CDH18: variants seen among roughly 807,000 people sequenced by gnomAD.
CDH18 encodes cadherin 18, also known as cadherin-18.
A neutral mutation model predicts 67.9 loss-of-function variants in CDH18; 31 were observed. That is an observed-to-expected ratio of 0.46 (90% CI 0.34 to 0.62). The LOEUF (loss-of-function observed/expected upper bound fraction) is 0.62. Ranked by LOEUF, CDH18 falls within the 20% of genes least tolerant of loss-of-function variation. The pLI, the probability that CDH18 is intolerant of heterozygous loss-of-function variation, is 0.01. For synonymous variants in CDH18, 362 were observed against 347.2 expected, an observed-to-expected ratio of 1.04 and a Z score of -0.48; for missense variants, 890 against 975.5, an observed-to-expected ratio of 0.91 and a Z score of 1.17.
At chr5:20,033,117 C>A (rs1739546074) in intron 2 of CDH18, among the ~76,000 whole-genome samples, 1 of 151,856 alleles carries the variant, frequency 6.6e-6, no homozygotes, top group East Asian at 1.9e-4. Context: ...TTTTCTTTAA[C>A]CTGCAATGCA....
chr5:19,964,509 G>A (rs1232403704), intron 2 of CDH18, among the ~76,000 whole-genome samples: 3 of 151,232 alleles, frequency 2.0e-5, no homozygotes, highest in Admixed American at 2.0e-4. Flanking sequence ...GAGGTGGGAG[G>A]ACTGCTTGAG....
intron 2 of CDH18, among the ~76,000 whole-genome samples, chr5:19,840,454 G>A (rs1782175581): frequency 6.6e-6 from 1 of 152,098 alleles, no homozygotes; most frequent in Non-Finnish European, 1.5e-5. Flanking sequence ...TGTAATCCAA[G>A]CATTTTGGAA....
intron 2 of CDH18, among the ~76,000 whole-genome samples, chr5:20,026,887 G>A (rs764822757): frequency 2.0e-5 from 3 of 152,032 alleles, no homozygotes; most frequent in African/African-American, 7.3e-5. Context: ...AACCCAGGAG[G>A]TGGAGCTTGC....
intron 1 of CDH18, among the ~76,000 whole-genome samples, chr5:20,510,327 T>C (rs1158689985): frequency 6.6e-6 from 1 of 152,170 alleles, no homozygotes; most frequent in Admixed American, 6.5e-5. Flanking sequence ...TGAATACTTT[T>C]TTCTAGTCTG....
intron 1 of CDH18, among the ~76,000 whole-genome samples, chr5:20,275,855 A>G (rs954579968): frequency 3.9e-5 from 6 of 152,022 alleles, no homozygotes; most frequent in Admixed American, 2.6e-4. Context: ...TGGTGTAGAG[A>G]GAGAATATTT....
chr5:19,667,947 G>A (rs191963060), intron 5 of CDH18, among the ~76,000 whole-genome samples: 138 of 151,850 alleles, frequency 9.1e-4, no homozygotes, highest in Middle Eastern at 3.4e-3. Flanking sequence ...TGGCCTGCCC[G>A]ATAAAAAATA....
Position 20,447,602 on chromosome 5 carries a change from A to G in CDH18, c.-580+127860T>C, listed in dbSNP as rs1365484925. On this transcript the variant is annotated intron_variant, in intron 1 of 14. Transcript: ENST00000507958. ...TTTTCTAGAAGTTAACCAGTCTCAC[A>G]TATTTTTTACAGCACCACAAATGGA... is the stretch of plus-strand genomic sequence containing the variant. 5.3e-5 allele frequency among the ~76,000 whole-genome samples: 8 copies of G among 152,282 alleles called. No homozygotes were observed. The South Asian group carries it at 1.4e-3, about 28-fold the overall frequency.
At chr5:19,511,243 C>T (rs969261940) in intron 10 of CDH18, among the ~76,000 whole-genome samples, 5 of 152,120 alleles carry the variant, frequency 3.3e-5, no homozygotes, top group African/African-American at 1.2e-4. Context: ...CTTCCCTAGC[C>T]ATGCTGAACT....
chr5:20,285,120 T>C (rs906457480), intron 1 of CDH18, among the ~76,000 whole-genome samples: 3 of 151,676 alleles, frequency 2.0e-5, no homozygotes, highest in Non-Finnish European at 3.0e-5. Flanking sequence ...CTGGTGGTAG[T>C]TGCTGCATGC....
intron 5 of CDH18, among the ~76,000 whole-genome samples, chr5:19,656,049 A>G (rs2150291593): frequency 7.6e-6 from 1 of 130,834 alleles, no homozygotes; most frequent in African/African-American, 2.9e-5. Context: ...TAAGGTCCTT[A>G]GTAATTGAAA....
intron 10 of CDH18, among the ~76,000 whole-genome samples, chr5:19,505,178 A>T (rs1288751039): frequency 1.3e-5 from 2 of 152,092 alleles, no homozygotes; most frequent in African/African-American, 4.8e-5. Flanking sequence ...GTATCCTGAG[A>T]CTTTGCTGAA....
At chr5:19,532,958 C>T (rs67400138) in intron 9 of CDH18, among the ~76,000 whole-genome samples, 15,563 of 152,092 alleles carry the variant, frequency 0.1, 1,176 homozygotes, top group African/African-American at 0.2. Context: ...GATTTACCTG[C>T]AGCATGTCGA....
intron 2 of CDH18, among the ~76,000 whole-genome samples, chr5:19,952,661 T>C (rs1795912004): frequency 6.6e-6 from 1 of 152,206 alleles, no homozygotes; most frequent in Admixed American, 6.6e-5. Context: ...TGAAATTATA[T>C]TTCATTGCAC....
intron 2 of CDH18, among the ~76,000 whole-genome samples, chr5:19,996,186 C>A (rs1736004368): frequency 6.6e-6 from 1 of 152,008 alleles, no homozygotes; most frequent in Admixed American, 6.6e-5. Flanking sequence ...TATAGTAACT[C>A]AAAATTACTG....
upstream of CDH18, among the ~76,000 whole-genome samples, chr5:19,991,436 C>T (rs1334531595): frequency 6.6e-6 from 1 of 151,928 alleles, no homozygotes; most frequent in Non-Finnish European, 1.5e-5. Flanking sequence ...TATCTATCAC[C>T]TCTATGTAGT....
At chr5:19,883,759 A>G (rs1460582103) in intron 2 of CDH18, among the ~76,000 whole-genome samples, 2 of 152,108 alleles carry the variant, frequency 1.3e-5, no homozygotes, top group Non-Finnish European at 2.9e-5. Flanking sequence ...TTGAATTTTT[A>G]CTTTCAAATG....
chr5:19,610,603 A>C (rs1748791009), intron 6 of CDH18, among the ~76,000 whole-genome samples: 1 of 152,162 alleles, frequency 6.6e-6, no homozygotes, highest in African/African-American at 2.4e-5. Context: ...ATATGAATGT[A>C]CATCTTTAAA....
At chr5:20,384,906 G>T (rs374911558) in intron 1 of CDH18, among the ~76,000 whole-genome samples, 1 of 151,966 alleles carries the variant, frequency 6.6e-6, no homozygotes, top group Non-Finnish European at 1.5e-5. Flanking sequence ...GTGTGATCGC[G>T]GCTCGCTGCA....
In CDH18 at chr5:19,472,178, C is replaced by T. The variant is rs533314890; in HGVS notation, c.*1048G>A. ...GTCAACTATGATTCTATGACATTTA[C>T]GTTCATTGGAGGATAGTCTTTCAGA... is the stretch of plus-strand genomic sequence containing the variant. On this transcript the variant is annotated 3_prime_UTR_variant, in exon 13 of 13. Transcript: ENST00000382275. Among the ~76,000 whole-genome samples the T allele has an allele frequency of 5.9e-5, 9 of 152,154 alleles. No individual in the cohort carries two copies. The highest frequency in any genetic ancestry group is 2.1e-4 in the South Asian group (1 of 4,818).
Sources: gnomAD v4.1 joint callset for allele counts (sites outside exome capture counted in the v4.1 genomes callset) on GRCh38, gnomAD v4.1.1 for gene constraint, MANE v1.5 for transcripts, NCBI Gene and HGNC (gene_info 2026-07-23, HGNC 2026-07-21) for gene names.